The following SMIM24 variants were observed in gnomAD, a reference collection of about 807,000 sequenced individuals.
SMIM24 encodes small integral membrane protein 24.
A neutral mutation model predicts 10.8 loss-of-function variants in SMIM24; 6 were observed. The ratio of observed to expected loss-of-function variants is 0.55; its 90% CI spans 0.30 to 1.09. The LOEUF (loss-of-function observed/expected upper bound fraction) is 1.09, where lower values mean the gene tolerates loss of function less well. SMIM24 is among the 50% of genes least tolerant of loss of function. SMIM24 has a pLI of 0.06. For synonymous variants in SMIM24, 71 were observed against 62.4 expected (o/e 1.14, Z -0.65); for missense variants, 151 against 153.4 (o/e 0.98, Z 0.08).
At chr19:3,480,004 A>C (rs1280072146) in intron 1 of SMIM24, among the ~76,000 whole-genome samples, 1 of 138,016 alleles carries the variant, frequency 7.2e-6, no homozygotes, top group Middle Eastern at 3.7e-3. Flanking sequence ...GGGCTTACAG[A>C]GGAGGAGGGG....
At chr19:3,476,658 C>T (rs964799931) in intron 3 of SMIM24, among the ~76,000 whole-genome samples, 1 of 152,152 alleles carries the variant, frequency 6.6e-6, no homozygotes, top group Non-Finnish European at 1.5e-5. Flanking sequence ...CTGAGACTCT[C>T]CCAGCCAGGC....
chr19:3,480,376 C>A, intron 1 of SMIM24, 21 bp downstream of exon 1: 1 of 1,517,654 alleles, frequency 6.6e-7, no homozygotes, highest in Non-Finnish European at 8.8e-7. Flanking sequence ...GCGACGCCCC[C>A]TCCCGCCCCC....
At chr19:3,476,675 C>T in intron 3 of SMIM24, among the ~76,000 whole-genome samples, 1 of 152,226 alleles carries the variant, frequency 6.6e-6, no homozygotes, top group East Asian at 1.9e-4. Context: ...AGGCTGGTCA[C>T]CTCCCAGCTC....
chr19:3,480,442 G>A lies in SMIM24; in HGVS notation c.22C>T (p.Leu8=). METLGAL[L]VLEFLLLSPV... ...GAGAGGAGCAGAAACTCCAGCACCA[G>A]AAGGGCCCCCAGGGTCTCCATGACG... The change falls in exon 1 of 4, where the codon CTG becomes TTG. Residue 8 remains leucine, a synonymous_variant. Coordinates refer to ENST00000215531, the MANE Select transcript of SMIM24 (RefSeq NM_001136503.2). The A allele has an allele frequency of 6.5e-7, 1 of 1,533,728 alleles. No homozygotes were observed. Among genetic ancestry groups the A allele is most frequent in the Non-Finnish European group, 8.8e-7 (1 of 1,139,062 alleles).
rs1222926019 is a variant in SMIM24, at chr19:3,474,849, G to A, written c.387C>T (p.Val129=). The A allele has an allele frequency of 1.3e-6, 2 of 1,551,266 alleles. No individual in the cohort carries two copies. The highest frequency in any genetic ancestry group is 1.7e-6 in the Non-Finnish European group (2 of 1,146,924). The change falls in exon 4 of 4, where the codon GTC becomes GTT. Residue 129 remains valine, a synonymous_variant. Coordinates refer to ENST00000215531, the MANE Select transcript of SMIM24 (RefSeq NM_001136503.2). ...AAGAGGCAGCCAGGAATCTTCACAT[G>A]ACTGTGCTCTTTGCTCTCTCATGGT... is the stretch of plus-strand genomic sequence containing the variant. ...PGDHERAKST[V]M is the part of the protein sequence containing the mutation.
At chr19:3,479,503 G>C in intron 1 of SMIM24, among the ~76,000 whole-genome samples, 1 of 150,586 alleles carries the variant, frequency 6.6e-6, no homozygotes, top group African/African-American at 2.4e-5. Flanking sequence ...GGAGCTCAGA[G>C]GGGAGGTGCT....
intron 1 of SMIM24, among the ~76,000 whole-genome samples, chr19:3,479,969 AAAG>A (rs1273935940): frequency 2.1e-5 from 3 of 145,536 alleles, no homozygotes; most frequent in Non-Finnish European, 3.0e-5. Flanking sequence ...AGGGGCTTAT[AAAG>A]AAGGAGGAGC....
At chr19:3,479,074 T>G in intron 1 of SMIM24, 145 bp from the exon 2 acceptor site, 2 of 474,480 alleles carry the variant, frequency 4.2e-6, no homozygotes, top group Admixed American at 3.9e-5. Context: ...TTCAGAGACC[T>G]GGATGGCGTA....
At chr19:3,479,892 G>A (rs1370160252) in intron 1 of SMIM24, among the ~76,000 whole-genome samples, 1 of 145,036 alleles carries the variant, frequency 6.9e-6, no homozygotes, top group African/African-American at 2.6e-5. Context: ...GCTCGGATGG[G>A]GAGAGGCTTG....
intron 1 of SMIM24, 138 bp downstream of exon 1, chr19:3,480,259 G>A (rs954088993): frequency 4.3e-6 from 4 of 921,738 alleles, no homozygotes; most frequent in Non-Finnish European, 6.5e-6. Context: ...TACTGCGGGG[G>A]TTGAGAAGGG....
intron 3 of SMIM24, among the ~76,000 whole-genome samples, chr19:3,476,133 G>A (rs1361909103): frequency 6.6e-6 from 1 of 151,944 alleles, no homozygotes; most frequent in Non-Finnish European, 1.5e-5. Context: ...AAGCAGTTGG[G>A]TGAATTGATG....
chr19:3,479,773 A>C (rs1306771787), intron 1 of SMIM24, among the ~76,000 whole-genome samples: 1 of 128,166 alleles, frequency 7.8e-6, no homozygotes, highest in African/African-American at 3.0e-5. Context: ...GGAGGGGCTT[A>C]TAAAGAAGGA....
chr19:3,479,740 G>A (rs1407227644), intron 1 of SMIM24, among the ~76,000 whole-genome samples: 69 of 78,554 alleles, frequency 8.8e-4, no homozygotes, highest in East Asian at 1.5e-3. Flanking sequence ...GGAGGGGCTT[G>A]TAGAGGAGGC....
chr19:3,477,956 G>A (rs2082800893), intron 3 of SMIM24, among the ~76,000 whole-genome samples: 2 of 151,990 alleles, frequency 1.3e-5, no homozygotes, highest in African/African-American at 4.8e-5. Flanking sequence ...AGCCATAGGA[G>A]GCACTGAGTC....
At chr19:3,479,107 A>T in intron 1 of SMIM24, 178 bp from the exon 2 acceptor site, 21 of 131,424 alleles carry the variant, frequency 1.6e-4, no homozygotes, top group East Asian at 3.6e-4. Flanking sequence ...GGGTTTAGAG[A>T]GGGGGAGGGT....
At chr19:3,478,777 G>A in intron 2 of SMIM24, 41 bp downstream of exon 2, 1 of 1,464,786 alleles carries the variant, frequency 6.8e-7, no homozygotes, top group South Asian at 1.2e-5. Flanking sequence ...TGGGGGTGGG[G>A]GCAGGGCTGT....
chr19:3,476,113 A>T (rs2082791124), intron 3 of SMIM24, among the ~76,000 whole-genome samples: 1 of 152,054 alleles, frequency 6.6e-6, no homozygotes, highest in African/African-American at 2.4e-5. Context: ...GGATGGATGG[A>T]TGAGTAGATA....
chr19:3,474,933 CTT>C lies in SMIM24; in HGVS notation c.301_302del (p.Lys101AspfsTer22). On this transcript the variant is annotated frameshift_variant, in exon 4 of 4. Transcript: ENST00000215531. LOFTEE classifies it low-confidence loss of function (END_TRUNC). ...AGTTGCTCTCTCCTTCCTTTGCTGT[CTT>C]TTTCTCCTTCTTCCTCTTCTCTTCT... is the stretch of plus-strand genomic sequence containing the variant. The part of the protein sequence containing the change: ...EKEEKRKKEK[K>X]TAKEGESNLG... 6.4e-7 allele frequency: 1 copy of C among 1,551,704 alleles called. No individual in the cohort carries two copies. The highest frequency in any genetic ancestry group is 8.7e-7 in the Non-Finnish European group (1 of 1,147,006).
intron 1 of SMIM24, 107 bp from the exon 2 acceptor site, chr19:3,479,036 CAG>C: frequency 1.2e-6 from 1 of 844,574 alleles, no homozygotes; most frequent in African/African-American, 1.7e-5. Context: ...GGTGCTCCGA[CAG>C]AGGGGGTATT....
Sources: gnomAD v4.1 joint callset for allele counts (sites outside exome capture counted in the v4.1 genomes callset) on GRCh38, gnomAD v4.1.1 for gene constraint, MANE v1.5 for transcripts, NCBI Gene and HGNC (gene_info 2026-07-23, HGNC 2026-07-21) for gene names.